Variants in NCKAP5 observed in about 807,000 individuals in gnomAD.
NCKAP5 encodes the protein NCK associated protein 5, also known as nck-associated protein 5.
In NCKAP5, 92 loss-of-function variants were observed where a neutral mutation model predicts 167.0. The observed-to-expected ratio is 0.55, with a 90% CI of 0.47 to 0.66. NCKAP5 has a LOEUF of 0.66. Among genes scored for constraint, NCKAP5 ranks in the 30% least tolerant of loss-of-function variants. NCKAP5 has a pLI of 0.00. For synonymous variants in NCKAP5, 891 were observed against 877.4 expected (o/e 1.02, Z -0.27); for missense variants, 2,378 against 2,315.0 (o/e 1.03, Z -0.56).
chr2:133,356,247 T>C (rs559669550), intron 3 of NCKAP5, among the ~76,000 whole-genome samples: 37 of 152,260 alleles, frequency 2.4e-4, no homozygotes, highest in South Asian at 1.9e-3. Flanking sequence ...TTCTTATATC[T>C]CAAATCCCAT....
In NCKAP5 at chr2:133,564,164, C is replaced by T. The variant is rs112667338; in HGVS notation, c.-130+4052G>A. Among the ~76,000 whole-genome samples, 557 of 152,084 alleles carry T rather than the reference C, an allele frequency of 3.7e-3. 3 individuals are homozygous for T. The highest frequency in any genetic ancestry group is 5.4e-3 in the Non-Finnish European group (367 of 67,988). On this transcript the variant is annotated intron_variant, in intron 1 of 19. Coordinates refer to ENST00000409261, the MANE Select transcript of NCKAP5 (RefSeq NM_207363.3). ...AAAAAAAAAGTACGTGCTGTGGGTT[C>T]AAATCCTGCCTCTGCCTCTTATCCA...
intron 11 of NCKAP5, among the ~76,000 whole-genome samples, chr2:132,851,164 GAACAGGAGACTTGGT>G (rs2105481598): frequency 6.6e-6 from 1 of 152,292 alleles, no homozygotes; most frequent in Non-Finnish European, 1.5e-5. Context: ...ATGGTTTTAT[GAACAGGAGACTTGGT>G]AACATTTCCT....
intron 4 of NCKAP5, among the ~76,000 whole-genome samples, chr2:133,281,266 T>A (rs1309905928): frequency 6.6e-6 from 1 of 152,250 alleles, no homozygotes; most frequent in Non-Finnish European, 1.5e-5. Context: ...TAACTTTGTT[T>A]ATAAAGACAA....
intron 19 of NCKAP5, among the ~76,000 whole-genome samples, chr2:132,694,685 C>T (rs760576439): frequency 6.6e-6 from 1 of 152,170 alleles, no homozygotes; most frequent in Non-Finnish European, 1.5e-5. Flanking sequence ...AATTGAGTTA[C>T]TGACTCAGCT....
At chr2:133,170,286 T>A (rs1259993360) in intron 5 of NCKAP5, among the ~76,000 whole-genome samples, 1 of 152,132 alleles carries the variant, frequency 6.6e-6, no homozygotes, top group Admixed American at 6.6e-5. Context: ...CAGCTCTGCA[T>A]CTTCCTAGCT....
At chr2:133,036,255 C>T (rs2079037760) in intron 6 of NCKAP5, among the ~76,000 whole-genome samples, 1 of 151,892 alleles carries the variant, frequency 6.6e-6, no homozygotes, top group Admixed American at 6.6e-5. Context: ...TAGTGAAGAA[C>T]TAATAGCAAT....
At chr2:133,200,331 T>C (rs2085634049) in intron 5 of NCKAP5, among the ~76,000 whole-genome samples, 1 of 152,018 alleles carries the variant, frequency 6.6e-6, no homozygotes, top group Admixed American at 6.6e-5. Flanking sequence ...ACGTTCATGT[T>C]AACTGATTTT....
At position 132,752,755 on chromosome 2, in the gene NCKAP5, G is replaced by T. The variant is rs2104798752; in HGVS notation, c.5129-20704C>A. Among the ~76,000 whole-genome samples the T allele has an allele frequency of 2.0e-5, 3 of 152,304 alleles. 1 individual carries two copies. In the South Asian group the frequency reaches 6.2e-4, roughly 32 times the overall value. On this transcript the variant is annotated intron_variant, in intron 16 of 19. Coordinates refer to ENST00000409261, the MANE Select transcript of NCKAP5 (RefSeq NM_207363.3). ...AAGAATTGGCTCACATGATACCAAA[G>T]CGGACAATTCCCAAGATCTTCAGGG...
intron 7 of NCKAP5, among the ~76,000 whole-genome samples, chr2:132,989,096 C>T (rs570221428): frequency 2.0e-5 from 3 of 152,240 alleles, no homozygotes; most frequent in South Asian, 2.1e-4. Context: ...GGAAGCATGG[C>T]GGCTACAATG....
intron 3 of NCKAP5, among the ~76,000 whole-genome samples, chr2:133,344,386 C>A (rs190393201): frequency 4.4e-5 from 6 of 137,922 alleles, no homozygotes; most frequent in East Asian, 2.1e-4. Flanking sequence ...CCAGCCTGGG[C>A]GACAAAGTGA....
At chr2:132,870,516 ATGATTGGGCCATGG>A (rs1270464587) in intron 9 of NCKAP5, among the ~76,000 whole-genome samples, 1 of 152,088 alleles carries the variant, frequency 6.6e-6, no homozygotes, top group Non-Finnish European at 1.5e-5. Flanking sequence ...GCAAAGCTAG[ATGATTGGGCCATGG>A]TCCTTGACTT....
chr2:133,383,254 C>A (rs1686660190), intron 3 of NCKAP5, among the ~76,000 whole-genome samples: 1 of 152,024 alleles, frequency 6.6e-6, no homozygotes, highest in South Asian at 2.1e-4. Context: ...TGTGATGTTC[C>A]CCTTCCTGTA....
At chr2:132,947,234 T>C (rs1335740925) in intron 8 of NCKAP5, among the ~76,000 whole-genome samples, 1 of 152,210 alleles carries the variant, frequency 6.6e-6, no homozygotes, top group Non-Finnish European at 1.5e-5. Flanking sequence ...GAAAAGTTTT[T>C]ATTTTGGGTA....
intron 7 of NCKAP5, among the ~76,000 whole-genome samples, chr2:132,993,368 C>A (rs1340436255): frequency 6.6e-6 from 1 of 152,188 alleles, no homozygotes; most frequent in African/African-American, 2.4e-5. Context: ...TCTGTACAGG[C>A]AATCTGGACC....
At chr2:132,927,376 A>AT (rs57951894) in intron 8 of NCKAP5, among the ~76,000 whole-genome samples, 35,806 of 151,028 alleles carry the variant, frequency 0.24, 9,390 homozygotes, top group African/African-American at 0.62. Flanking sequence ...TACTTTTAGG[A>AT]TTTTTTTTTC....
chr2:133,549,716 G>A (rs1300355241), intron 2 of NCKAP5, among the ~76,000 whole-genome samples: 26 of 142,098 alleles, frequency 1.8e-4, no homozygotes, highest in Non-Finnish European at 3.4e-4. Context: ...ACATTCAAAA[G>A]CTAGCAGAAG....
At chr2:133,585,609 T>C in the NCKAP5 span, among the ~76,000 whole-genome samples, 1 of 152,366 alleles carries the variant, frequency 6.6e-6, no homozygotes, top group African/African-American at 2.4e-5. Context: ...TCCAAATATT[T>C]CAAGAAGTTA....
At chr2:133,646,554 A>G in the NCKAP5 span, among the ~76,000 whole-genome samples, 325 of 152,300 alleles carry the variant, frequency 2.1e-3, 7 homozygotes, top group Admixed American at 0.015. Flanking sequence ...AAGCTGAGGG[A>G]GTTTGTTTTC....
At chr2:133,049,496 G>GATCACACCA (rs1310271739) in intron 6 of NCKAP5, among the ~76,000 whole-genome samples, 2 of 132,732 alleles carry the variant, frequency 1.5e-5, no homozygotes, top group Non-Finnish European at 3.1e-5. Flanking sequence ...GGTGAGCCGA[G>GATCACACCA]ATCACACCAA....
Sources: allele counts gnomAD v4.1 joint callset (sites outside exome capture counted in the v4.1 genomes callset), GRCh38; gene constraint gnomAD v4.1.1; transcripts MANE v1.5; gene names NCBI Gene and HGNC (gene_info 2026-07-23, HGNC 2026-07-21).